Variants in FNDC3B observed in about 807,000 individuals in gnomAD.
The protein encoded by FNDC3B is fibronectin type III domain containing 3B.
FNDC3B carries 12 observed loss-of-function variants against 151.5 expected under a neutral mutation model. The ratio of observed to expected loss-of-function variants is 0.08; its 90% CI spans 0.05 to 0.13. The LOEUF is 0.13. Among genes scored for constraint, FNDC3B ranks in the 10% least tolerant of loss-of-function variants. FNDC3B has a pLI of 1.00. For missense variants in FNDC3B, 1,214 were observed against 1,505.3 expected (o/e 0.81, Z 3.20); for synonymous variants, 528 against 549.0 (o/e 0.96, Z 0.54).
intron 3 of FNDC3B, chr3:172,226,004 C>T (rs1726546655): frequency 6.6e-6 from 1 of 152,068 alleles, no homozygotes; most frequent in South Asian, 2.1e-4. Context: ...TTTAATAGTT[C>T]CTTATTTTAA....
At chr3:172,199,190 T>TA (rs1264720237) in intron 3 of FNDC3B, among the ~76,000 whole-genome samples, 1 of 148,408 alleles carries the variant, frequency 6.7e-6, no homozygotes, top group Non-Finnish European at 1.5e-5. Flanking sequence ...TTTTTTATTT[T>TA]TTTTTTTTTG....
At chr3:172,358,954 T>TTGGTGG (rs60325692) in intron 22 of FNDC3B, among the ~76,000 whole-genome samples, 831 of 80,592 alleles carry the variant, frequency 0.01, 7 homozygotes, top group East Asian at 0.028. Flanking sequence ...CACAGTTTTC[T>TTGGTGG]TGGTGGTGGT....
intron 3 of FNDC3B, among the ~76,000 whole-genome samples, chr3:172,158,519 A>T (rs555332349): frequency 3.4e-4 from 52 of 152,058 alleles, no homozygotes; most frequent in African/African-American, 1.2e-3. Flanking sequence ...TTTTTTTTTA[A>T]CTGCTGAGTT....
At chr3:172,316,000 C>CTTTTTTTTTTTTTTTTTT (rs555242809) in intron 11 of FNDC3B, among the ~76,000 whole-genome samples, 1 of 79,884 alleles carries the variant, frequency 1.3e-5, no homozygotes, top group Non-Finnish European at 2.6e-5. Flanking sequence ...CTTTCTTCTT[C>CTTTTTTTTTTTTTTTTTT]TTTTTTTTTT....
chr3:172,217,836 A>C (rs969176259), intron 3 of FNDC3B, among the ~76,000 whole-genome samples: 9 of 152,194 alleles, frequency 5.9e-5, no homozygotes, highest in African/African-American at 2.2e-4. Context: ...TCAAAGAGGA[A>C]TGTTTGAAAG....
At chr3:172,300,209 A>G (rs1405613552) in intron 9 of FNDC3B, among the ~76,000 whole-genome samples, 1 of 152,260 alleles carries the variant, frequency 6.6e-6, no homozygotes, top group African/African-American at 2.4e-5. Context: ...ACCATTATTC[A>G]AAATGGTCAA....
In FNDC3B at chr3:172,399,997, A is replaced by G. The variant is rs550457278; in HGVS notation, c.*2522A>G. Reference sequence around the variant, plus strand: ...TGCTCTCCATTATTTGGTATTCATTATATTCCTTCAGTCAGAAAATTATTA... The same window carrying G: ...TGCTCTCCATTATTTGGTATTCATTGTATTCCTTCAGTCAGAAAATTATTA... On this transcript the variant is annotated 3_prime_UTR_variant, in exon 26 of 26. Transcript: ENST00000415807. The G allele has an allele frequency of 9.8e-5, 15 of 152,794 alleles. No homozygotes were observed. The highest frequency in any genetic ancestry group is 3.6e-4 in the African/African-American group (15 of 41,578). The allele number at this position is 152,794 out of a possible 1,614,324, so 9.5% of individuals were successfully genotyped here.
chr3:172,307,545 A>C (rs1731259374), intron 10 of FNDC3B, 44 bp downstream of exon 10: 1 of 1,608,704 alleles, frequency 6.2e-7, no homozygotes, highest in Non-Finnish European at 8.5e-7. Flanking sequence ...TTTAAAAATT[A>C]GCCAGGTGTG....
At chr3:172,143,908 A>T (rs1380621201) in intron 3 of FNDC3B, among the ~76,000 whole-genome samples, 2 of 141,958 alleles carry the variant, frequency 1.4e-5, no homozygotes, top group East Asian at 4.1e-4. Context: ...CCTCCATCTC[A>T]AAATAAATAA....
intron 12 of FNDC3B, 41 bp downstream of exon 12, chr3:172,329,117 T>G (rs1732505333): frequency 1.3e-6 from 2 of 1,578,782 alleles, no homozygotes. Flanking sequence ...AGCCTTTGGA[T>G]GGTGATCCTG....
intron 3 of FNDC3B, chr3:172,184,498 G>A (rs1408436273): frequency 2.6e-5 from 4 of 152,118 alleles, no homozygotes; most frequent in Admixed American, 6.6e-5. Flanking sequence ...GGCAAGAGTT[G>A]AGCGGAAAAA....
intron 11 of FNDC3B, among the ~76,000 whole-genome samples, chr3:172,325,940 C>T (rs1389613441): frequency 6.6e-6 from 1 of 152,164 alleles, no homozygotes; most frequent in Non-Finnish European, 1.5e-5. Flanking sequence ...TCTCCTGCCT[C>T]AGCCTCCCAA....
intron 11 of FNDC3B, among the ~76,000 whole-genome samples, chr3:172,328,010 A>G (rs999334139): frequency 9.2e-5 from 14 of 152,232 alleles, no homozygotes; most frequent in African/African-American, 2.9e-4. Flanking sequence ...TAATGTGGAT[A>G]TGGGTAGGAA....
intron 3 of FNDC3B, among the ~76,000 whole-genome samples, chr3:172,178,302 T>C (rs897103793): frequency 6.6e-6 from 1 of 152,040 alleles, no homozygotes; most frequent in African/African-American, 2.4e-5. Context: ...CCTGTGGACA[T>C]TAGCCCAAAC....
chr3:172,226,837 CT>C (rs762494677), intron 3 of FNDC3B, 33 bp from the exon 4 acceptor site: 158 of 1,282,772 alleles, frequency 1.2e-4, no homozygotes, highest in Non-Finnish European at 1.7e-4. Flanking sequence ...ATGTATGTTT[CT>C]TCAGCTATTA....
intron 1 of FNDC3B, among the ~76,000 whole-genome samples, chr3:172,048,226 C>T (rs1397647112): frequency 1.3e-5 from 2 of 152,104 alleles, no homozygotes; most frequent in East Asian, 3.8e-4. Context: ...ATATAGGATA[C>T]TTAATGTATT....
chr3:172,183,773 C>G (rs1409304265), intron 3 of FNDC3B, among the ~76,000 whole-genome samples: 1 of 152,158 alleles, frequency 6.6e-6, no homozygotes, highest in Admixed American at 6.6e-5. Flanking sequence ...CACGTAGCTT[C>G]CCTTCCACTC....
intron 9 of FNDC3B, among the ~76,000 whole-genome samples, chr3:172,304,493 G>T (rs569501851): frequency 6.6e-6 from 1 of 152,228 alleles, no homozygotes; most frequent in Admixed American, 6.5e-5. Context: ...CAGTCTCAGT[G>T]CTGTGGAGAC....
intron 4 of FNDC3B, among the ~76,000 whole-genome samples, chr3:172,246,781 G>GAAAA (rs1727799784): frequency 6.6e-6 from 1 of 152,174 alleles, no homozygotes; most frequent in Non-Finnish European, 1.5e-5. Flanking sequence ...AATGAACAAA[G>GAAAA]AATTGGAAAA....
Sources: allele counts gnomAD v4.1 joint callset (sites outside exome capture counted in the v4.1 genomes callset), GRCh38; gene constraint gnomAD v4.1.1; transcripts MANE v1.5; gene names NCBI Gene and HGNC (gene_info 2026-07-23, HGNC 2026-07-21).